PKD2L1: variants seen among roughly 807,000 people sequenced by gnomAD.
PKD2L1 encodes polycystin 2 like 1, transient receptor potential cation channel, also known as polycystin-2-like protein 1.
A neutral mutation model predicts 93.0 loss-of-function variants in PKD2L1; 77 were observed. The observed-to-expected ratio is 0.83, with a 90% CI of 0.69 to 1.00. The LOEUF (loss-of-function observed/expected upper bound fraction) is 1.00, where lower values mean the gene tolerates loss of function less well. Ranked by LOEUF, PKD2L1 falls within the 50% of genes least tolerant of loss-of-function variation. PKD2L1 has a pLI of 0.00. For missense variants in PKD2L1, 977 were observed against 990.9 expected, an observed-to-expected ratio of 0.99 and a Z score of 0.19; for synonymous variants, 390 against 388.0, an observed-to-expected ratio of 1.01 and a Z score of -0.06.
intron 2 of PKD2L1, among the ~76,000 whole-genome samples, chr10:100,316,731 T>C (rs1849108840): frequency 6.6e-6 from 1 of 152,242 alleles, no homozygotes; most frequent in Non-Finnish European, 1.5e-5. Flanking sequence ...AACTTCAATA[T>C]TTTGAGGACT....
intron 2 of PKD2L1, among the ~76,000 whole-genome samples, chr10:100,309,240 A>C (rs1848876567): frequency 6.6e-6 from 1 of 152,264 alleles, no homozygotes; most frequent in African/African-American, 2.4e-5. Flanking sequence ...GATTGTATCC[A>C]TAAAATGAAA....
At chr10:100,318,477 G>A (rs1849151192) in intron 2 of PKD2L1, among the ~76,000 whole-genome samples, 2 of 151,772 alleles carry the variant, frequency 1.3e-5, no homozygotes, top group African/African-American at 4.8e-5. Context: ...ACTCCAGCCT[G>A]GCCTCATCTA....
At chr10:100,327,446 T>C (rs537749383) in intron 2 of PKD2L1, among the ~76,000 whole-genome samples, 5 of 152,254 alleles carry the variant, frequency 3.3e-5, no homozygotes, top group East Asian at 3.9e-4. Flanking sequence ...CATGAGTGGA[T>C]TGGACTCCTG....
rs536721286 is a variant in PKD2L1 at position 100,297,010 on chromosome 10, G to A, written c.1155C>T (p.Ile385=). Residue 385 remains isoleucine (I), a synonymous_variant, in exon 6 of 16, where the codon ATC becomes ATT. Coordinates refer to ENST00000318222, the MANE Select transcript of PKD2L1 (RefSeq NM_016112.3). ...HIHRLRYLSS[I]WNILDLVVIL... is the part of the protein sequence containing the mutation. ...TGACCACCAGGTCCAGTATGTTCCA[G>A]ATGCTGCTGAGGTAGCGAAGCCGGT... The A allele has an allele frequency of 1.5e-5, 24 of 1,613,698 alleles. No homozygotes were observed. In the East Asian group the frequency reaches 5.1e-4, roughly 34 times the overall value.
In PKD2L1 at chr10:100,329,241, A is replaced by G; in HGVS notation, c.319T>C (p.Tyr107His). The G allele has an allele frequency of 6.2e-7, 1 of 1,614,116 alleles. No individual in the cohort carries two copies. The highest frequency in any genetic ancestry group is 8.5e-7 in the Non-Finnish European group (1 of 1,179,962). ...CAGATGTCCACCAGGAACACAATATATACCAACAGCTCCCTCAGGGTGGTC... is the reference window on the plus strand; with the variant it reads ...CAGATGTCCACCAGGAACACAATATGTACCAACAGCTCCCTCAGGGTGGTC... ...IKTTLRELLV[Y>H]IVFLVDICLL... The change falls in exon 2 of 16, where the codon TAT (tyrosine) becomes CAT (histidine). Residue 107 changes from tyrosine to histidine, a missense_variant. Tyr to His is a moderately conservative substitution (Grantham distance 83). Transcript: ENST00000318222.
intron 2 of PKD2L1, among the ~76,000 whole-genome samples, chr10:100,327,671 G>A (rs1050637638): frequency 2.6e-5 from 4 of 152,184 alleles, no homozygotes; most frequent in Non-Finnish European, 5.9e-5. Flanking sequence ...GCTAGCAGAT[G>A]GTTAGGACAA....
intron 11 of PKD2L1, 21 bp from the exon 12 acceptor site, chr10:100,291,448 T>G (rs1848406248): frequency 6.2e-7 from 1 of 1,613,216 alleles, no homozygotes; most frequent in Non-Finnish European, 8.5e-7. Flanking sequence ...GATGATGAAA[T>G]GATTTCTGCC....
intron 2 of PKD2L1, among the ~76,000 whole-genome samples, chr10:100,327,724 G>A (rs1211813337): frequency 6.6e-6 from 1 of 152,196 alleles, no homozygotes; most frequent in Non-Finnish European, 1.5e-5. Flanking sequence ...ACAGCCATTT[G>A]CTGAAAGGAA....
At position 100,329,942 on chromosome 10, in the gene PKD2L1, T is replaced by C; in HGVS notation, c.162A>G (p.Glu54=). The change falls in exon 1 of 16, where the codon GAA becomes GAG. Residue 54 remains glutamate (E), a synonymous_variant. Transcript: ENST00000318222. ...TGTATGCCGTCTCCTGGGGTTCATC[T>C]TCAGGCTTCTTGGGTTGGGGCTGGA... The part of the protein sequence containing the change: ...GPLQPQPKKP[E]DEPQETAYRT... 1.2e-6 allele frequency: 2 copies of C among 1,614,070 alleles called. No homozygotes were observed. Among genetic ancestry groups the C allele is most frequent in the Non-Finnish European group, 1.7e-6 (2 of 1,179,958 alleles).
chr10:100,297,021 G>A lies in PKD2L1; in HGVS notation c.1144C>T (p.Leu382Phe). The A allele has an allele frequency of 6.2e-7, 1 of 1,614,044 alleles. No homozygotes were observed. Among genetic ancestry groups the A allele is most frequent in the Non-Finnish European group, 8.5e-7 (1 of 1,179,896 alleles). Residue 382 changes from leucine to phenylalanine, a missense_variant, in exon 6 of 16, where the codon CTC becomes TTC. Transcript: ENST00000318222. ...TCCAGTATGTTCCAGATGCTGCTGA[G>A]GTAGCGAAGCCGGTGAATGTGGAGC... ...LELHIHRLRY[L>F]SSIWNILDLV... is the part of the protein sequence containing the mutation.
At position 100,310,933 on chromosome 10, in the gene PKD2L1, GT is replaced by G. The variant is rs1177622791; in HGVS notation, c.350-11216del. Among the ~76,000 whole-genome samples the G allele has an allele frequency of 1.3e-5, 2 of 152,072 alleles. 1 individual carries two copies. The highest frequency in any genetic ancestry group is 2.9e-5 in the Non-Finnish European group (2 of 68,024). On this transcript the variant is annotated intron_variant, in intron 2 of 15. Transcript: ENST00000318222. ...ACATTTCATGTTGCCCAGGTTTCAC[GT>G]TGCCCAGGCTGGTCTCGAACTCCTG...
chr10:100,321,412 A>G lies in PKD2L1; in HGVS notation c.349+7799T>C, dbSNP rs576926873. Reference sequence around the variant, plus strand: ...GAGGCAGAAGTTGTAGTGAGCCGAGATCGCGCCACTGCACACCAGCCTGGG... The same window carrying G: ...GAGGCAGAAGTTGTAGTGAGCCGAGGTCGCGCCACTGCACACCAGCCTGGG... On this transcript the variant is annotated intron_variant, in intron 2 of 15. Transcript: ENST00000318222. 2.6e-3 allele frequency among the ~76,000 whole-genome samples: 400 copies of G among 151,826 alleles called. 2 individuals are homozygous for G. The highest frequency in any genetic ancestry group is 6.8e-3 in the Middle Eastern group (2 of 294).
At chr10:100,305,514 T>C (rs1411685521) in intron 2 of PKD2L1, among the ~76,000 whole-genome samples, 1 of 152,138 alleles carries the variant, frequency 6.6e-6, no homozygotes, top group Admixed American at 6.5e-5. Flanking sequence ...ATTTAGTAAA[T>C]GTTGGAAAGA....
At chr10:100,307,061 C>CAG (rs1431201139) in intron 2 of PKD2L1, among the ~76,000 whole-genome samples, 2 of 152,068 alleles carry the variant, frequency 1.3e-5, no homozygotes, top group Admixed American at 6.6e-5. Flanking sequence ...CCGAATCTGA[C>CAG]AGAGGCTCAA....
chr10:100,296,097 A>G (rs372643321), intron 7 of PKD2L1, 25 bp downstream of exon 7: 1 of 1,587,894 alleles, frequency 6.3e-7, no homozygotes, highest in Non-Finnish European at 8.6e-7. Flanking sequence ...CTTGAAGCAA[A>G]GCTGGGTGTG....
chr10:100,309,145 T>C (rs1233608359), intron 2 of PKD2L1, among the ~76,000 whole-genome samples: 2 of 152,088 alleles, frequency 1.3e-5, no homozygotes, highest in African/African-American at 4.8e-5. Context: ...ATTAAGTAAA[T>C]TATGAGATCA....
At chr10:100,326,084 G>A (rs77666195) in intron 2 of PKD2L1, among the ~76,000 whole-genome samples, 2 of 152,050 alleles carry the variant, frequency 1.3e-5, no homozygotes, top group African/African-American at 4.8e-5. Flanking sequence ...CTTAGCACAG[G>A]ACTATCATCT....
intron 8 of PKD2L1, 123 bp from the exon 9 acceptor site, chr10:100,294,778 T>C: frequency 7.0e-7 from 1 of 1,421,190 alleles, no homozygotes; most frequent in South Asian, 1.2e-5. Flanking sequence ...GGCAGGGTGC[T>C]TAGATTATTT....
intron 6 of PKD2L1, 53 bp from the exon 7 acceptor site, chr10:100,296,345 A>C: frequency 6.8e-7 from 1 of 1,469,692 alleles, no homozygotes; most frequent in Non-Finnish European, 9.1e-7. Flanking sequence ...ATCTCAAGGG[A>C]AGTTCCAAGA....
Sources: allele counts gnomAD v4.1 joint callset (sites outside exome capture counted in the v4.1 genomes callset), GRCh38; gene constraint gnomAD v4.1.1; transcripts MANE v1.5; gene names NCBI Gene and HGNC (gene_info 2026-07-23, HGNC 2026-07-21).